The following GBP5 variants were observed in gnomAD, a reference collection of about 807,000 sequenced individuals.
The protein encoded by GBP5 is guanylate binding protein 5, also known as guanylate-binding protein 5.
In GBP5, 48 loss-of-function variants were observed where a neutral mutation model predicts 58.2. The observed-to-expected ratio is 0.83, with a 90% CI of 0.65 to 1.05. The LOEUF (loss-of-function observed/expected upper bound fraction) is 1.05, where lower values mean the gene tolerates loss of function less well. GBP5 is among the 50% of genes least tolerant of loss of function. GBP5 has a pLI of 0.00. For missense variants in GBP5, 714 were observed against 686.8 expected, an observed-to-expected ratio of 1.04 and a Z score of -0.44; for synonymous variants, 248 against 251.8, an observed-to-expected ratio of 0.98 and a Z score of 0.14.
chr1:89,268,858 T>A lies in GBP5; in HGVS notation c.191-2A>T. On this transcript the variant is annotated splice_acceptor_variant, in intron 3 of 11. Transcript: ENST00000370459. LOFTEE classifies it high-confidence loss of function. ...GCACCGTAGATGCAACAGAGAAGCCTGTCAGGGGGAGTGAGAGGTTGTAAT... is the reference window on the plus strand; with the variant it reads ...GCACCGTAGATGCAACAGAGAAGCCAGTCAGGGGGAGTGAGAGGTTGTAAT... 1 of 1,613,238 alleles carries A rather than the reference T, an allele frequency of 6.2e-7. No homozygotes were observed. Among genetic ancestry groups the A allele is most frequent in the East Asian group, 2.2e-5 (1 of 44,856 alleles).
At position 89,257,669 on chromosome 1, in the gene GBP5, T is replaced by G. The variant is rs1649833067; in HGVS notation, c.*3035A>C. ...TTATAAGGTTTTTATGAGCAACAGG[T>G]GAATTACTACAGTGACCATAATAAA... On this transcript the variant is annotated 3_prime_UTR_variant, in exon 12 of 12. Coordinates refer to ENST00000370459, the MANE Select transcript of GBP5 (RefSeq NM_052942.5). Among the ~76,000 whole-genome samples, 1 of 152,208 alleles carries G rather than the reference T, an allele frequency of 6.6e-6. No homozygotes were observed. Among genetic ancestry groups the G allele is most frequent in the Admixed American group, 6.5e-5 (1 of 15,268 alleles).
chr1:89,262,559 T>C, intron 10 of GBP5, 124 bp downstream of exon 10: 2 of 898,882 alleles, frequency 2.2e-6, no homozygotes, highest in East Asian at 2.6e-5. Flanking sequence ...TCAGATATGC[T>C]TGAGGAGCTA....
chr1:89,264,761 A>C lies in GBP5; in HGVS notation c.1074T>G (p.Ser358Arg), dbSNP rs755419137. 6.8e-6 allele frequency: 11 copies of C among 1,613,902 alleles called. No homozygotes were observed. ...LQELLDLHRT[S>R]EREAIEVFMK... is the part of the protein sequence containing the mutation. ...TGAAGACTTCAATGGCCTCCCTCTC[A>C]CTGGTCCTGTGCAGGTCCAGCAGCT... The change falls in exon 8 of 12, where the codon AGT (serine) becomes AGG (arginine). Residue 358 changes from serine (S) to arginine (R), a missense_variant. By Grantham distance (110) the Ser-to-Arg change is moderately radical. Transcript: ENST00000370459.
At position 89,263,814 on chromosome 1, in the gene GBP5, T is replaced by A. The variant is rs1165033699; in HGVS notation, c.1284A>T (p.Pro428=). ...EAVKQGIYSK[P]GGHNLFIQKT... is the part of the protein sequence containing the mutation. ...TCTGAATGAAGAGATTATGGCCTCC[T>A]GGCTTAGAATAAATTCCCTGCTTCA... Residue 428 remains proline, a synonymous_variant, in exon 9 of 12, where the codon CCA becomes CCT. Transcript: ENST00000370459. 6.2e-7 allele frequency: 1 copy of A among 1,613,800 alleles called. No homozygotes were observed. The highest frequency in any genetic ancestry group is 8.5e-7 in the Non-Finnish European group (1 of 1,179,894).
rs369812845 is a variant in GBP5, at chr1:89,268,663, C to T, written c.318+66G>A. 1.1e-4 allele frequency: 175 copies of T among 1,553,458 alleles called. 1 individual carries two copies. The East Asian group carries it at 3.6e-3, about 32-fold the overall frequency. On this transcript the variant is annotated intron_variant, in intron 4 of 11. Coordinates refer to ENST00000370459, the MANE Select transcript of GBP5 (RefSeq NM_052942.5). ...GGAACTACAAATTTAGAAAAATAAA[C>T]CTAAAATCTCCCTGTGAAAAGACAG...
intron 9 of GBP5, chr1:89,263,005 C>T: frequency 2.6e-6 from 1 of 389,168 alleles, no homozygotes; most frequent in East Asian, 4.4e-5. Context: ...CTGCTCCTGT[C>T]ACAAGTTTGG....
At chr1:89,267,256 C>T in intron 5 of GBP5, 103 bp from the exon 6 acceptor site, 1 of 1,061,408 alleles carries the variant, frequency 9.4e-7, no homozygotes, top group Non-Finnish European at 1.4e-6. Flanking sequence ...GAGTCTTAAC[C>T]AAATCATCAT....
Position 89,269,671 on chromosome 1 carries a change from C to T in GBP5, c.-19-97G>A, listed in dbSNP as rs976589276. The T allele has an allele frequency of 4.3e-6, 3 of 698,556 alleles. No homozygotes were observed. In the Admixed American group the frequency reaches 7.5e-5, roughly 17 times the overall value. 43.3% of individuals were successfully genotyped at this position (698,556 alleles called of 1,614,324 possible). On this transcript the variant is annotated intron_variant, in intron 2 of 11. Transcript: ENST00000370459. The stretch of plus-strand genomic sequence containing the variant: ...TACTGAACCTGGGGACATACTACTC[C>T]CCAGCACTGCCTAAGTTTCTGGAAA...
At chr1:89,265,514 G>C (rs1650173486) in intron 7 of GBP5, among the ~76,000 whole-genome samples, 1 of 151,312 alleles carries the variant, frequency 6.6e-6, no homozygotes, top group Non-Finnish European at 1.5e-5. Context: ...GGATCACGAG[G>C]TGAGGAGATC....
intron 11 of GBP5, among the ~76,000 whole-genome samples, chr1:89,261,621 G>A (rs1650008181): frequency 6.6e-6 from 1 of 152,236 alleles, no homozygotes; most frequent in Non-Finnish European, 1.5e-5. Flanking sequence ...GATAATGCAT[G>A]TAAAGTGCTA....
rs1356760456 is a variant in GBP5, at chr1:89,257,866, CTG to C, written c.*2836_*2837del. ...TCTTACAGTTTTGGAAATCAGAAGT[CTG>C]TGAAGCTTAAATCAAGATGTTAACA... On this transcript the variant is annotated 3_prime_UTR_variant, in exon 12 of 12. Transcript: ENST00000370459. Among the ~76,000 whole-genome samples, 1 of 152,194 alleles carries C rather than the reference CTG, an allele frequency of 6.6e-6. No individual in the cohort carries two copies. Among genetic ancestry groups the C allele is most frequent in the African/African-American group, 2.4e-5 (1 of 41,454 alleles).
chr1:89,268,288 G>A (rs899898714), intron 4 of GBP5, among the ~76,000 whole-genome samples: 8 of 152,196 alleles, frequency 5.3e-5, no homozygotes, highest in African/African-American at 1.9e-4. Flanking sequence ...TGTATCTACT[G>A]TTTTTAAGTA....
At chr1:89,268,671 C>A (rs2100597534) in intron 4 of GBP5, 58 bp downstream of exon 4, 11 of 1,576,950 alleles carry the variant, frequency 7.0e-6, no homozygotes, top group Non-Finnish European at 9.6e-6. Flanking sequence ...AACCTAAAAT[C>A]TCCCTGTGAA....
At chr1:89,262,182 G>T (rs375247933) in intron 11 of GBP5, 38 bp downstream of exon 11, 11 of 1,596,872 alleles carry the variant, frequency 6.9e-6, no homozygotes, top group Non-Finnish European at 8.6e-6. Context: ...TACTCTCATC[G>T]TTACAGGCAG....
rs553486631 is a variant in GBP5, at chr1:89,264,019, A to G, written c.1150-71T>C. The G allele has an allele frequency of 1.7e-4, 165 of 965,594 alleles. 3 individuals are homozygous for G. In the South Asian group the frequency reaches 2.4e-3, roughly 14 times the overall value. 59.8% of individuals were successfully genotyped at this position (965,594 alleles called of 1,614,324 possible). On this transcript the variant is annotated intron_variant, in intron 8 of 11. Transcript: ENST00000370459. ...AGTATTTCTGGAAATAATTCTGAAA[A>G]AGAATCTATATTTTTTTCTACAAAC...
chr1:89,267,203 C>T, intron 5 of GBP5, 50 bp from the exon 6 acceptor site: 1 of 1,434,278 alleles, frequency 7.0e-7, no homozygotes, highest in Non-Finnish European at 9.5e-7. Flanking sequence ...CATCTAAACC[C>T]ATACTTAATT....
At chr1:89,269,148 T>C (rs1431288279) in intron 3 of GBP5, among the ~76,000 whole-genome samples, 1 of 152,098 alleles carries the variant, frequency 6.6e-6, no homozygotes, top group East Asian at 1.9e-4. Flanking sequence ...TTATACATTT[T>C]ACAAGAAGAA....
In GBP5 at chr1:89,266,441, G is replaced by A. The variant is rs1030510306; in HGVS notation, c.773C>T (p.Pro258Leu). Residue 258 changes from proline (P) to leucine (L), a missense_variant, in exon 7 of 12, where the codon CCT becomes CTT. Coordinates refer to ENST00000370459, the MANE Select transcript of GBP5 (RefSeq NM_052942.5). ...LETLPDDELE[P>L]EFVQQVTEFC... Reference sequence around the variant, plus strand: ...TTCTGTCACTTGTTGCACAAATTCAGGCTCTAGCTCATCATCAGGCAGTGT... The same window carrying A: ...TTCTGTCACTTGTTGCACAAATTCAAGCTCTAGCTCATCATCAGGCAGTGT... The A allele has an allele frequency of 6.2e-7, 1 of 1,614,122 alleles. No individual in the cohort carries two copies. Among genetic ancestry groups the A allele is most frequent in the African/African-American group, 1.3e-5 (1 of 75,060 alleles).
At chr1:89,265,558 C>G (rs1650176019) in intron 7 of GBP5, among the ~76,000 whole-genome samples, 1 of 151,276 alleles carries the variant, frequency 6.6e-6, no homozygotes, top group African/African-American at 2.4e-5. Context: ...GAAACCCCAC[C>G]TCTACTAAAA....
Sources: gnomAD v4.1 joint callset for allele counts (sites outside exome capture counted in the v4.1 genomes callset) on GRCh38, gnomAD v4.1.1 for gene constraint, MANE v1.5 for transcripts, NCBI Gene and HGNC (gene_info 2026-07-23, HGNC 2026-07-21) for gene names.